Variants in ZFP64 observed in about 807,000 individuals in gnomAD.
ZFP64 encodes the protein ZFP64 zinc finger protein, also known as zinc finger protein 64.
A neutral mutation model predicts 51.6 loss-of-function variants in ZFP64; 14 were observed. That is an observed-to-expected ratio of 0.27 (90% CI 0.18 to 0.42). The LOEUF (loss-of-function observed/expected upper bound fraction) is 0.42. Ranked by LOEUF, ZFP64 falls within the 10% of genes least tolerant of loss-of-function variation. The probability of loss-of-function intolerance (pLI) is 1.00; values close to 1 mark genes in which losing one functional copy is unlikely to be tolerated. For missense variants in ZFP64, 754 were observed against 906.8 expected, an observed-to-expected ratio of 0.83 and a Z score of 2.16; for synonymous variants, 375 against 361.4, an observed-to-expected ratio of 1.04 and a Z score of -0.43.
At chr20:52,097,283 A>G (rs1251740563) in intron 7 of ZFP64, 1 of 1,449,334 alleles carries the variant, frequency 6.9e-7, no homozygotes, top group Non-Finnish European at 9.6e-7. Context: ...TGAGGCAGAG[A>G]CTGTCCTGTT....
At position 52,182,202 on chromosome 20, in the gene ZFP64, C is replaced by A. The variant is rs557995019; in HGVS notation, c.286+4630G>T. ...GGGAGAGTAAATGATTTGCTCACAG[C>A]CTAGGGCTGTTAGGTGGTGGATTGG... On this transcript the variant is annotated intron_variant, in intron 2 of 5. Transcript: ENST00000216923. Among the ~76,000 whole-genome samples, 3 of 152,286 alleles carry A rather than the reference C, an allele frequency of 2.0e-5. No individual in the cohort carries two copies. In the Middle Eastern group the frequency reaches 0.01, roughly 518 times the overall value.
intron 7 of ZFP64, among the ~76,000 whole-genome samples, chr20:52,093,299 C>A (rs6021699): frequency 6.6e-6 from 1 of 152,008 alleles, no homozygotes; most frequent in Admixed American, 6.5e-5. Flanking sequence ...CACCACCACG[C>A]GTGGCTAATA....
At chr20:52,129,608 T>A (rs563566227) in intron 5 of ZFP64, among the ~76,000 whole-genome samples, 8 of 152,118 alleles carry the variant, frequency 5.3e-5, no homozygotes, top group Non-Finnish European at 1.0e-4. Context: ...ATTGTGTAAC[T>A]CCTATGTAGC....
At chr20:52,103,171 C>A (rs2079071720) in intron 5 of ZFP64, among the ~76,000 whole-genome samples, 2 of 152,170 alleles carry the variant, frequency 1.3e-5, no homozygotes, top group Non-Finnish European at 2.9e-5. Context: ...ACCAGGTTAG[C>A]ATGGCGAGGG....
At chr20:52,104,241 G>A (rs2079085049) in intron 5 of ZFP64, among the ~76,000 whole-genome samples, 2 of 152,250 alleles carry the variant, frequency 1.3e-5, no homozygotes, top group Non-Finnish European at 2.9e-5. Context: ...TTCCAGTGGA[G>A]GCGGGGGATG....
rs1327542398 is a variant in ZFP64, at chr20:52,142,866, AG to A, written c.763+17256del. Among the ~76,000 whole-genome samples the A allele has an allele frequency of 1.4e-5, 2 of 138,428 alleles. 1 individual carries two copies. Among genetic ancestry groups the A allele is most frequent in the Admixed American group, 1.5e-4 (2 of 13,120 alleles). The allele number at this position is 138,428 out of a possible 152,430, so 90.8% of individuals were successfully genotyped here. ...AAAAAAAAAAAAAAAAAAGCAAAAA[AG>A]AGGAAGAGTCCATTGATGTGGCAAA... On this transcript the variant is annotated intron_variant, in intron 5 of 8. Coordinates refer to the ZFP64 transcript ENST00000361387.
chr20:52,174,623 C>G (rs886671260), intron 2 of ZFP64, among the ~76,000 whole-genome samples: 3 of 151,950 alleles, frequency 2.0e-5, no homozygotes, highest in Non-Finnish European at 4.4e-5. Flanking sequence ...GAAAACACAA[C>G]CTCTAATGGC....
At chr20:52,104,101 G>T (rs981256567) in intron 5 of ZFP64, among the ~76,000 whole-genome samples, 1 of 152,190 alleles carries the variant, frequency 6.6e-6, no homozygotes, top group Non-Finnish European at 1.5e-5. Context: ...TTAAAGGAAA[G>T]GTATCAGCTA....
At chr20:52,104,135 G>A (rs889849726) in intron 5 of ZFP64, among the ~76,000 whole-genome samples, 2 of 152,332 alleles carry the variant, frequency 1.3e-5, no homozygotes, top group Middle Eastern at 3.4e-3. Flanking sequence ...GGCAGCCTAA[G>A]AGAAAGTAGG....
At chr20:52,110,473 G>T in intron 5 of ZFP64, 1 of 677,882 alleles carries the variant, frequency 1.5e-6, no homozygotes, top group Non-Finnish European at 2.7e-6. Flanking sequence ...TCATCTCTAT[G>T]CTGGGAAGTC....
chr20:52,100,138 C>T (rs1053763076), intron 5 of ZFP64, among the ~76,000 whole-genome samples: 1 of 152,180 alleles, frequency 6.6e-6, no homozygotes, highest in Non-Finnish European at 1.5e-5. Flanking sequence ...TACAGGCACC[C>T]ACCACCATGC....
At chr20:52,109,352 C>T (rs565909005) in intron 5 of ZFP64, among the ~76,000 whole-genome samples, 20 of 152,110 alleles carry the variant, frequency 1.3e-4, no homozygotes, top group Admixed American at 3.3e-4. Context: ...TTAGTAGAGA[C>T]GGGGTTTCAC....
intron 5 of ZFP64, among the ~76,000 whole-genome samples, chr20:52,134,445 G>A (rs1437691180): frequency 1.3e-5 from 2 of 152,158 alleles, no homozygotes; most frequent in Admixed American, 1.3e-4. Flanking sequence ...TCTCAGTTTG[G>A]TGGCAAGCAC....
At chr20:52,128,051 A>G (rs895399612) in intron 5 of ZFP64, among the ~76,000 whole-genome samples, 1 of 151,984 alleles carries the variant, frequency 6.6e-6, no homozygotes, top group Non-Finnish European at 1.5e-5. Flanking sequence ...GTGTCTGTTC[A>G]TTTCTGTTTA....
chr20:52,142,259 A>G (rs908700740), intron 5 of ZFP64, among the ~76,000 whole-genome samples: 37 of 151,902 alleles, frequency 2.4e-4, no homozygotes, highest in African/African-American at 8.0e-4. Context: ...TCCCAGCCAC[A>G]TGGAAGACTG....
intron 2 of ZFP64, among the ~76,000 whole-genome samples, chr20:52,186,176 C>T (rs1983947889): frequency 6.6e-6 from 1 of 152,166 alleles, no homozygotes; most frequent in Non-Finnish European, 1.5e-5. Context: ...AGTACTATCC[C>T]ATAAATGGGC....
At chr20:52,162,613 C>A (rs180975805) in intron 4 of ZFP64, among the ~76,000 whole-genome samples, 1 of 151,890 alleles carries the variant, frequency 6.6e-6, no homozygotes, top group Non-Finnish European at 1.5e-5. Flanking sequence ...GGTGACAGAG[C>A]GAGACTCTGT....
At chr20:52,094,891 AG>A (rs1369661400) in intron 7 of ZFP64, among the ~76,000 whole-genome samples, 3 of 152,206 alleles carry the variant, frequency 2.0e-5, no homozygotes, top group Non-Finnish European at 4.4e-5. Flanking sequence ...CCAAAATCCC[AG>A]GGGTTCTAAC....
intron 6 of ZFP64, chr20:52,097,455 T>C (rs1163256730): frequency 1.3e-5 from 4 of 306,618 alleles, no homozygotes; most frequent in African/African-American, 2.2e-4. Flanking sequence ...AAAAATAGAT[T>C]TTTTTTTTTT....
Sources: gnomAD v4.1 joint callset for allele counts (sites outside exome capture counted in the v4.1 genomes callset) on GRCh38, gnomAD v4.1.1 for gene constraint, MANE v1.5 for transcripts, NCBI Gene and HGNC (gene_info 2026-07-23, HGNC 2026-07-21) for gene names.